The following TBC1D5 variants were observed in gnomAD, a reference collection of about 807,000 sequenced individuals.
The protein encoded by TBC1D5 is TBC1 domain family, member 5.
Under a neutral mutation model 100.3 loss-of-function variants are expected in TBC1D5, and 75 were observed. The observed-to-expected ratio is 0.75, with a 90% CI of 0.62 to 0.91. TBC1D5 has a LOEUF of 0.91. TBC1D5 is among the 40% of genes least tolerant of loss of function. The pLI, the probability that TBC1D5 is intolerant of heterozygous loss-of-function variation, is 0.00. For missense variants in TBC1D5, 910 were observed against 942.4 expected (o/e 0.97, Z 0.45); for synonymous variants, 323 against 325.6 (o/e 0.99, Z 0.09).
chr3:17,293,002 T>G (rs1332313811), intron 14 of TBC1D5, among the ~76,000 whole-genome samples: 1 of 152,218 alleles, frequency 6.6e-6, no homozygotes, highest in East Asian at 1.9e-4. Flanking sequence ...TTGCTATAAC[T>G]TCCTACTTCT....
chr3:17,171,865 A>G (rs4685442), intron 19 of TBC1D5, among the ~76,000 whole-genome samples: 35,868 of 152,114 alleles, frequency 0.24, 4,854 homozygotes, highest in East Asian at 0.59. Context: ...AAGACAATGC[A>G]ACCTACTAAT....
intron 15 of TBC1D5, among the ~76,000 whole-genome samples, chr3:17,271,647 T>C (rs1446446045): frequency 3.3e-5 from 5 of 152,186 alleles, no homozygotes; most frequent in African/African-American, 9.7e-5. Context: ...CTATGTTGAA[T>C]AGGAGTGGCA....
At chr3:17,543,569 T>C (rs946278730) in intron 2 of TBC1D5, among the ~76,000 whole-genome samples, 2 of 151,362 alleles carry the variant, frequency 1.3e-5, no homozygotes, top group South Asian at 4.2e-4. Context: ...GCCCAGGAGG[T>C]TGAGGCTGCA....
chr3:17,280,164 C>G (rs558237071), intron 15 of TBC1D5, among the ~76,000 whole-genome samples: 1 of 152,164 alleles, frequency 6.6e-6, no homozygotes. Flanking sequence ...TATAACAAAT[C>G]AGTAAACTAC....
At chr3:17,488,213 T>A (rs1429502681) in intron 3 of TBC1D5, among the ~76,000 whole-genome samples, 1 of 152,202 alleles carries the variant, frequency 6.6e-6, no homozygotes, top group African/African-American at 2.4e-5. Flanking sequence ...CACAATGTCA[T>A]ATAGTTGGAA....
At chr3:17,721,004 T>TA (rs1246286004) in intron 1 of TBC1D5, among the ~76,000 whole-genome samples, 2 of 151,742 alleles carry the variant, frequency 1.3e-5, no homozygotes, top group African/African-American at 4.8e-5. Flanking sequence ...AACGCCTGAG[T>TA]AATTTTTGTA....
chr3:17,503,949 G>C (rs1288002307), intron 3 of TBC1D5, among the ~76,000 whole-genome samples: 2 of 149,354 alleles, frequency 1.3e-5, no homozygotes, highest in Non-Finnish European at 2.9e-5. Context: ...ATATTTAAAA[G>C]AAAACATGGA....
At chr3:17,693,316 T>A (rs1577523216) in intron 1 of TBC1D5, among the ~76,000 whole-genome samples, 1 of 152,216 alleles carries the variant, frequency 6.6e-6, no homozygotes, top group Non-Finnish European at 1.5e-5. Flanking sequence ...GTCAGGGATT[T>A]CCCTTTCCTA....
chr3:17,344,917 C>G (rs1354656866), intron 13 of TBC1D5, among the ~76,000 whole-genome samples: 1 of 152,032 alleles, frequency 6.6e-6, no homozygotes, highest in Admixed American at 6.5e-5. Flanking sequence ...AAAATTAATT[C>G]AAGATGGATT....
intron 8 of TBC1D5, among the ~76,000 whole-genome samples, chr3:17,399,388 TAAAAACGGAAC>T (rs1004256467): frequency 6.6e-6 from 1 of 152,028 alleles, no homozygotes; most frequent in African/African-American, 2.4e-5. Context: ...AACAGAGCAG[TAAAAACGGAAC>T]AGAAACTTAT....
At chr3:17,251,427 C>A (rs1301216186) in intron 16 of TBC1D5, among the ~76,000 whole-genome samples, 1 of 26,926 alleles carries the variant, frequency 3.7e-5, no homozygotes, top group Non-Finnish European at 7.4e-5. Context: ...TCACGGGAAC[C>A]CCCCCCCCCC....
At chr3:17,599,783 G>T (rs2060811079) in intron 2 of TBC1D5, among the ~76,000 whole-genome samples, 1 of 152,180 alleles carries the variant, frequency 6.6e-6, no homozygotes, top group African/African-American at 2.4e-5. Flanking sequence ...TCTGAGCAAG[G>T]TGGCGGCCAA....
intron 10 of TBC1D5, among the ~76,000 whole-genome samples, chr3:17,376,048 T>A (rs1404585150): frequency 6.6e-6 from 1 of 152,162 alleles, no homozygotes; most frequent in African/African-American, 2.4e-5. Context: ...AATAAATGAA[T>A]ATATCTAAAA....
At position 17,331,918 on chromosome 3, in the gene TBC1D5, G is replaced by T. The variant is rs182257026; in HGVS notation, c.996-23784C>A. Among the ~76,000 whole-genome samples the T allele has an allele frequency of 1.6e-3, 247 of 152,306 alleles. 2 individuals are homozygous for T. Among genetic ancestry groups the T allele is most frequent in the African/African-American group, 5.7e-3 (238 of 41,568 alleles). On this transcript the variant is annotated intron_variant, in intron 13 of 21. Coordinates refer to ENST00000253692, the Ensembl canonical transcript of TBC1D5. ...GGGTTTGGAAAATGAGGTTGGAGAG[G>T]TGGCCAGGGCCCATGTAGGGCCTTA...
chr3:17,322,712 C>CCTTA (rs767950967), intron 13 of TBC1D5, among the ~76,000 whole-genome samples: 2 of 152,124 alleles, frequency 1.3e-5, no homozygotes, highest in Non-Finnish European at 2.9e-5. Context: ...CAAGGGGTGT[C>CCTTA]CTTAAGTGTT....
At chr3:17,699,601 C>T in intron 1 of TBC1D5, among the ~76,000 whole-genome samples, 1 of 144,764 alleles carries the variant, frequency 6.9e-6, no homozygotes, top group Non-Finnish European at 1.5e-5. Context: ...CTCTATGAGT[C>T]TCATCATCTG....
chr3:17,296,955 A>G (rs574099935), intron 14 of TBC1D5, among the ~76,000 whole-genome samples: 1 of 152,362 alleles, frequency 6.6e-6, no homozygotes, highest in Admixed American at 6.5e-5. Context: ...CCCACTTAAT[A>G]CACTTTAAAC....
At chr3:17,360,463 T>A (rs1035680083) in intron 13 of TBC1D5, among the ~76,000 whole-genome samples, 13 of 151,862 alleles carry the variant, frequency 8.6e-5, no homozygotes, top group African/African-American at 2.9e-4. Context: ...TACTACCTTT[T>A]TATATATATA....
intron 3 of TBC1D5, among the ~76,000 whole-genome samples, chr3:17,473,426 A>G (rs1288686027): frequency 6.6e-6 from 1 of 152,228 alleles, no homozygotes; most frequent in Non-Finnish European, 1.5e-5. Context: ...TATACAATGA[A>G]CTTGCAATAC....
Sources: allele counts gnomAD v4.1 joint callset (sites outside exome capture counted in the v4.1 genomes callset), GRCh38; gene constraint gnomAD v4.1.1; transcripts MANE v1.5; gene names NCBI Gene and HGNC (gene_info 2026-07-23, HGNC 2026-07-21).